Variants in AK2 observed in about 807,000 individuals in gnomAD.
AK2 encodes the protein adenylate kinase 2, mitochondrial.
A neutral mutation model predicts 24.6 loss-of-function variants in AK2; 15 were observed. The observed-to-expected ratio is 0.61, with a 90% CI of 0.41 to 0.94. The LOEUF is 0.94. Among genes scored for constraint, AK2 ranks in the 40% least tolerant of loss-of-function variants. AK2 has a pLI of 0.00. For synonymous variants in AK2, 102 were observed against 114.0 expected, an observed-to-expected ratio of 0.90 and a Z score of 0.67; for missense variants, 257 against 304.1, an observed-to-expected ratio of 0.85 and a Z score of 1.15.
Position 33,009,450 on chromosome 1 carries a change from A to C in AK2, c.*3731T>G, listed in dbSNP as rs557409015. On this transcript the variant is annotated 3_prime_UTR_variant, in exon 6 of 6. Coordinates refer to ENST00000672715, the MANE Select transcript of AK2 (RefSeq NM_001625.4). ...CTAGACTATGGACAAGTGTCCATTC[A>C]ACAGTTATCCAGCCTGGCAGGAAGC... 1.3e-4 allele frequency: 60 copies of C among 454,166 alleles called. No individual in the cohort carries two copies. Among genetic ancestry groups the C allele is most frequent in the African/African-American group, 1.1e-3 (56 of 50,146 alleles). 28.1% of individuals were successfully genotyped at this position (454,166 alleles called of 1,614,324 possible). A position where few individuals can be genotyped will look rare whatever the true frequency, so the allele number is the denominator to read the frequency against.
chr1:33,032,911 C>G (rs1394821722), intron 1 of AK2, among the ~76,000 whole-genome samples: 1 of 152,114 alleles, frequency 6.6e-6, no homozygotes, highest in Non-Finnish European at 1.5e-5. Context: ...CGGCTATAAT[C>G]CCAACACTTT....
chr1:33,018,076 C>T (rs920476128), intron 4 of AK2, among the ~76,000 whole-genome samples: 10 of 152,186 alleles, frequency 6.6e-5, no homozygotes, highest in Non-Finnish European at 1.5e-4. Flanking sequence ...TTCAGTGCGA[C>T]ACTTTAAACA....
intron 1 of AK2, chr1:33,031,537 A>G (rs1640235244): frequency 2.2e-6 from 1 of 455,194 alleles, no homozygotes; most frequent in Non-Finnish European, 4.4e-6. Flanking sequence ...TAGGAGAAAA[A>G]TCTAACCTGG....
chr1:33,028,154 C>T (rs1640015236), intron 1 of AK2, among the ~76,000 whole-genome samples: 1 of 152,182 alleles, frequency 6.6e-6, no homozygotes, highest in African/African-American at 2.4e-5. Flanking sequence ...ACACTTCAAA[C>T]TTATGCTTTA....
In AK2 at chr1:33,012,829, C is replaced by T; in HGVS notation, c.*352G>A. ...GGATAATTGCTTGAGCCCCAGGAGGCAGAGGTTGCCGTGAGCCAAGATCAC... is the reference window on the plus strand; with the variant it reads ...GGATAATTGCTTGAGCCCCAGGAGGTAGAGGTTGCCGTGAGCCAAGATCAC... On this transcript the variant is annotated 3_prime_UTR_variant, in exon 6 of 6. Coordinates refer to ENST00000672715, the MANE Select transcript of AK2 (RefSeq NM_001625.4). 3.3e-6 allele frequency: 4 copies of T among 1,216,490 alleles called. No homozygotes were observed. Among genetic ancestry groups the T allele is most frequent in the Non-Finnish European group, 4.3e-6 (4 of 921,580 alleles). 75.4% of individuals were successfully genotyped at this position (1,216,490 alleles called of 1,614,324 possible). A position where few individuals can be genotyped will look rare whatever the true frequency, so the allele number is the denominator to read the frequency against.
At chr1:33,028,302 A>G (rs994201838) in intron 1 of AK2, among the ~76,000 whole-genome samples, 1 of 152,030 alleles carries the variant, frequency 6.6e-6, no homozygotes, top group East Asian at 1.9e-4. Flanking sequence ...TCGGGAGTTC[A>G]AGACCAGCAT....
At chr1:33,027,135 A>G (rs988030684) in intron 1 of AK2, among the ~76,000 whole-genome samples, 2 of 152,146 alleles carry the variant, frequency 1.3e-5, no homozygotes, top group Non-Finnish European at 2.9e-5. Flanking sequence ...AACCCAAAAA[A>G]CCAAAATTCT....
chr1:33,013,061 T>G lies in AK2; in HGVS notation c.*120A>C. On this transcript the variant is annotated 3_prime_UTR_variant, in exon 6 of 6. Transcript: ENST00000672715. The stretch of plus-strand genomic sequence containing the variant: ...GCCAAAGATACATCAAGCAAGTGCT[T>G]TTTTAATCAATACATCAAATGATAT... The G allele has an allele frequency of 6.2e-7, 1 of 1,604,592 alleles. No individual in the cohort carries two copies. Among genetic ancestry groups the G allele is most frequent in the Non-Finnish European group, 8.5e-7 (1 of 1,179,618 alleles).
chr1:33,016,775 G>A (rs902981363), intron 4 of AK2, among the ~76,000 whole-genome samples: 5 of 146,418 alleles, frequency 3.4e-5, no homozygotes, highest in Admixed American at 2.1e-4. Flanking sequence ...TCATGGTCTC[G>A]GCTCACTGCA....
At chr1:33,030,692 T>G (rs1458107950) in intron 1 of AK2, among the ~76,000 whole-genome samples, 1 of 152,220 alleles carries the variant, frequency 6.6e-6, no homozygotes, top group African/African-American at 2.4e-5. Context: ...TAATACATAA[T>G]AAACCCATGA....
intron 4 of AK2, among the ~76,000 whole-genome samples, chr1:33,016,655 T>C (rs986148072): frequency 1.3e-5 from 2 of 152,054 alleles, no homozygotes; most frequent in Admixed American, 6.6e-5. Context: ...ACTACAAGCA[T>C]GCGCCACCAT....
rs1410150353 is a variant in AK2, at chr1:33,008,595, G to A, written c.*4586C>T. On this transcript the variant is annotated 3_prime_UTR_variant, in exon 6 of 6. Transcript: ENST00000672715. ...ACTTCAGCAACAAGATCAAGGGGAC[G>A]GATAAGTGTTAGAGACTGTGTTTCA... The A allele has an allele frequency of 1.1e-5, 5 of 453,938 alleles. No homozygotes were observed. Among genetic ancestry groups the A allele is most frequent in the African/African-American group, 2.0e-5 (1 of 49,976 alleles). The allele number at this position is 453,938 out of a possible 1,614,324, so 28.1% of individuals were successfully genotyped here.
At position 33,011,683 on chromosome 1, in the gene AK2, G is replaced by T; in HGVS notation, c.*1498C>A. 7.7e-7 allele frequency: 1 copy of T among 1,306,730 alleles called. No homozygotes were observed. Among genetic ancestry groups the T allele is most frequent in the Non-Finnish European group, 1.0e-6 (1 of 1,002,226 alleles). The allele number at this position is 1,306,730 out of a possible 1,614,324, so 80.9% of individuals were successfully genotyped here. A position where few individuals can be genotyped will look rare whatever the true frequency, so the allele number is the denominator to read the frequency against. On this transcript the variant is annotated 3_prime_UTR_variant, in exon 6 of 6. Transcript: ENST00000672715. The stretch of plus-strand genomic sequence containing the variant: ...TTTTTCCAGAGGCTGCCGTTTTTGT[G>T]GTCCTTCATAGCAGTCTGTTACTTC...
intron 4 of AK2, among the ~76,000 whole-genome samples, chr1:33,017,857 C>A (rs529000270): frequency 6.6e-6 from 1 of 152,184 alleles, no homozygotes; most frequent in East Asian, 1.9e-4. Context: ...CTAGCTCAAG[C>A]AGGCCTCCCA....
intron 2 of AK2, 141 bp downstream of exon 2, chr1:33,024,301 A>C: frequency 8.7e-7 from 1 of 1,148,660 alleles, no homozygotes. Flanking sequence ...TACTTGAAAT[A>C]TGGCTAGTGC....
rs962282156 is a variant in AK2 at position 33,009,699 on chromosome 1, A to G, written c.*3482T>C. 31 of 453,986 alleles carry G rather than the reference A, an allele frequency of 6.8e-5. No homozygotes were observed. Among genetic ancestry groups the G allele is most frequent in the Admixed American group, 6.1e-4 (26 of 42,556 alleles). The allele number at this position is 453,986 out of a possible 1,614,324, so 28.1% of individuals were successfully genotyped here. A position where few individuals can be genotyped will look rare whatever the true frequency, so the allele number is the denominator to read the frequency against. On this transcript the variant is annotated 3_prime_UTR_variant, in exon 6 of 6. Coordinates refer to ENST00000672715, the MANE Select transcript of AK2 (RefSeq NM_001625.4). Reference sequence around the variant, plus strand: ...TCCCCTGAACTCCAAGCACAGTGCTATCTCCACTAGACCAAGCTGCCTTGT... The same window carrying G: ...TCCCCTGAACTCCAAGCACAGTGCTGTCTCCACTAGACCAAGCTGCCTTGT...
rs1037721172 is a variant in AK2, at chr1:33,020,104, C to T, written c.425+1263G>A. 5 of 1,534,986 alleles carry T rather than the reference C, an allele frequency of 3.3e-6. No individual in the cohort carries two copies. The African/African-American group carries it at 6.9e-5, about 21-fold the overall frequency. On this transcript the variant is annotated intron_variant, in intron 4 of 5. Coordinates refer to ENST00000672715, the MANE Select transcript of AK2 (RefSeq NM_001625.4). ...GGGTAGAGACAACTGTAGGCTAAAGCAGTGTTGGTCTGTCAGAACAAACGT... is the reference window on the plus strand; with the variant it reads ...GGGTAGAGACAACTGTAGGCTAAAGTAGTGTTGGTCTGTCAGAACAAACGT...
At chr1:33,022,725 T>G (rs1444653935) in intron 2 of AK2, among the ~76,000 whole-genome samples, 1 of 152,038 alleles carries the variant, frequency 6.6e-6, no homozygotes, top group Non-Finnish European at 1.5e-5. Flanking sequence ...CAGAAACTGG[T>G]TTTTCTCTTG....
At chr1:33,024,926 C>T (rs1639778908) in intron 1 of AK2, among the ~76,000 whole-genome samples, 1 of 152,136 alleles carries the variant, frequency 6.6e-6, no homozygotes, top group South Asian at 2.1e-4. Context: ...GTGGCTCACG[C>T]CTATAACCCC....
Sources: gnomAD v4.1 joint callset for allele counts (sites outside exome capture counted in the v4.1 genomes callset) on GRCh38, gnomAD v4.1.1 for gene constraint, MANE v1.5 for transcripts, NCBI Gene and HGNC (gene_info 2026-07-23, HGNC 2026-07-21) for gene names.